The following CNTN5 variants were observed in gnomAD, a reference collection of about 807,000 sequenced individuals.
CNTN5 encodes contactin-5.
A neutral mutation model predicts 129.1 loss-of-function variants in CNTN5; 77 were observed. That is an observed-to-expected ratio of 0.60 (90% confidence interval 0.50 to 0.72). CNTN5 has a LOEUF of 0.72. Ranked by LOEUF, CNTN5 falls within the 30% of genes least tolerant of loss-of-function variation. The probability of loss-of-function intolerance (pLI) is 0.00; values close to 1 mark genes in which losing one functional copy is unlikely to be tolerated. For missense variants in CNTN5, 1,478 were observed against 1,328.8 expected (o/e 1.11, Z -1.75); for synonymous variants, 509 against 465.6 (o/e 1.09, Z -1.20).
At chr11:100,192,153 A>G (rs1020941622) in intron 14 of CNTN5, among the ~76,000 whole-genome samples, 6 of 152,058 alleles carry the variant, frequency 3.9e-5, no homozygotes, top group African/African-American at 1.4e-4. Context: ...TACTGGACTC[A>G]AACGCAGCCT....
chr11:99,417,310 A>G (rs1425418383), intron 2 of CNTN5, among the ~76,000 whole-genome samples: 2 of 152,200 alleles, frequency 1.3e-5, no homozygotes, highest in Non-Finnish European at 2.9e-5. Flanking sequence ...TGATTTGTCA[A>G]AAATACACGG....
intron 9 of CNTN5, among the ~76,000 whole-genome samples, chr11:100,020,243 T>G (rs1397820874): frequency 6.6e-6 from 1 of 152,120 alleles, no homozygotes; most frequent in African/African-American, 2.4e-5. Context: ...TCTGTTTTCT[T>G]TCAGCAGTTT....
intron 1 of CNTN5, among the ~76,000 whole-genome samples, chr11:99,320,898 A>G (rs1424781137): frequency 2.0e-5 from 3 of 152,144 alleles, no homozygotes; most frequent in Non-Finnish European, 4.4e-5. Context: ...TGTAAAGTAG[A>G]TGGCTCTCCC....
At chr11:99,319,151 G>T (rs1002039924) in intron 1 of CNTN5, among the ~76,000 whole-genome samples, 1 of 152,130 alleles carries the variant, frequency 6.6e-6, no homozygotes, top group Non-Finnish European at 1.5e-5. Flanking sequence ...GCTTAAATGG[G>T]TTAATATATT....
chr11:100,069,185 C>G (rs1943806349), intron 10 of CNTN5, among the ~76,000 whole-genome samples: 1 of 152,116 alleles, frequency 6.6e-6, no homozygotes, highest in Non-Finnish European at 1.5e-5. Context: ...CAGGTTCTCA[C>G]TCTGTCACCC....
chr11:99,607,034 G>A (rs369823765), intron 3 of CNTN5, among the ~76,000 whole-genome samples: 200 of 115,868 alleles, frequency 1.7e-3, no homozygotes, highest in African/African-American at 4.9e-3. Flanking sequence ...GGACATAGGC[G>A]TGGGCAAGGA....
intron 3 of CNTN5, among the ~76,000 whole-genome samples, chr11:99,767,365 T>A (rs1388751570): frequency 6.6e-6 from 1 of 152,106 alleles, no homozygotes; most frequent in Non-Finnish European, 1.5e-5. Context: ...TTGAGTCTTA[T>A]CTGTTAAGGT....
intron 7 of CNTN5, among the ~76,000 whole-genome samples, chr11:99,954,731 C>G (rs1440808024): frequency 6.6e-6 from 1 of 152,144 alleles, no homozygotes; most frequent in Non-Finnish European, 1.5e-5. Context: ...TTAGCTCAGT[C>G]CAATATTTTC....
intron 2 of CNTN5, among the ~76,000 whole-genome samples, chr11:99,523,454 G>C (rs1472057848): frequency 6.6e-6 from 1 of 152,090 alleles, no homozygotes; most frequent in Non-Finnish European, 1.5e-5. Context: ...AATTAGCCAG[G>C]TGTGATCGTG....
chr11:99,611,053 A>G (rs1376733462), intron 3 of CNTN5, among the ~76,000 whole-genome samples: 2 of 152,180 alleles, frequency 1.3e-5, no homozygotes, highest in Admixed American at 1.3e-4. Flanking sequence ...TCACAAAGTA[A>G]AGGTCTCCAT....
intron 3 of CNTN5, among the ~76,000 whole-genome samples, chr11:99,811,451 A>G: frequency 6.8e-6 from 1 of 147,928 alleles, no homozygotes; most frequent in Non-Finnish European, 1.5e-5. Flanking sequence ...TTTTGTTAAT[A>G]TTTTATTTAT....
At chr11:100,171,824 C>T (rs989982174) in intron 13 of CNTN5, among the ~76,000 whole-genome samples, 7 of 145,358 alleles carry the variant, frequency 4.8e-5, no homozygotes, top group African/African-American at 1.9e-4. Flanking sequence ...AGGTTTTTAC[C>T]AAACTATTCG....
intron 13 of CNTN5, among the ~76,000 whole-genome samples, chr11:100,143,074 C>A (rs1265195907): frequency 1.3e-5 from 2 of 151,970 alleles, no homozygotes; most frequent in Admixed American, 6.6e-5. Context: ...ACAAATATTC[C>A]AAAATCTGAA....
chr11:100,043,312 A>T (rs901282012), intron 9 of CNTN5, among the ~76,000 whole-genome samples: 4 of 152,172 alleles, frequency 2.6e-5, no homozygotes, highest in Non-Finnish European at 4.4e-5. Flanking sequence ...AGCAGGCTCA[A>T]GAACACTATT....
chr11:100,067,476 AT>A (rs200903304), intron 10 of CNTN5, among the ~76,000 whole-genome samples: 60,417 of 147,394 alleles, frequency 0.41, 12,336 homozygotes, highest in East Asian at 0.55. Context: ...CCATTTCAGG[AT>A]TTTTTTTTTT....
chr11:99,953,684 G>A (rs1950729228), intron 7 of CNTN5, among the ~76,000 whole-genome samples: 1 of 152,190 alleles, frequency 6.6e-6, no homozygotes, highest in Admixed American at 6.5e-5. Flanking sequence ...CCTAAGAATG[G>A]AAGTTGAATA....
intron 2 of CNTN5, among the ~76,000 whole-genome samples, chr11:99,359,865 G>T (rs766816924): frequency 3.9e-5 from 6 of 151,934 alleles, no homozygotes; most frequent in Non-Finnish European, 7.4e-5. Context: ...GAAGAAAGGG[G>T]TAACTGAAAC....
chr11:100,058,105 C>T (rs1943309363), intron 9 of CNTN5, among the ~76,000 whole-genome samples: 1 of 152,072 alleles, frequency 6.6e-6, no homozygotes, highest in African/African-American at 2.4e-5. Flanking sequence ...TAAACAATTA[C>T]AATTTATATA....
At chr11:99,530,135 A>G (rs1947639201) in intron 2 of CNTN5, among the ~76,000 whole-genome samples, 1 of 152,126 alleles carries the variant, frequency 6.6e-6, no homozygotes, top group African/African-American at 2.4e-5. Context: ...CCAATTCTGT[A>G]CTTAAAATTG....
Sources: gnomAD v4.1 joint callset for allele counts (sites outside exome capture counted in the v4.1 genomes callset) on GRCh38, gnomAD v4.1.1 for gene constraint, MANE v1.5 for transcripts, NCBI Gene and HGNC (gene_info 2026-07-23, HGNC 2026-07-21) for gene names.